Variants in SHANK2 observed in about 807,000 individuals in gnomAD.
The protein encoded by SHANK2 is SH3 and multiple ankyrin repeat domains 2.
In SHANK2, 43 loss-of-function variants were observed where a neutral mutation model predicts 133.7. The ratio of observed to expected loss-of-function variants is 0.32; its 90% CI spans 0.25 to 0.41. The LOEUF (loss-of-function observed/expected upper bound fraction) is 0.41, where lower values mean the gene tolerates loss of function less well. Among genes scored for constraint, SHANK2 ranks in the 10% least tolerant of loss-of-function variants. The pLI, the probability that SHANK2 is intolerant of heterozygous loss-of-function variation, is 1.00. For missense variants in SHANK2, 1,994 were observed against 2,235.8 expected (o/e 0.89, Z 2.18); for synonymous variants, 1,017 against 952.8 (o/e 1.07, Z -1.24).
intron 14 of SHANK2, among the ~76,000 whole-genome samples, chr11:70,720,748 TACAC>T (rs71908599): frequency 4.7e-5 from 7 of 149,420 alleles, no homozygotes; most frequent in South Asian, 2.1e-4. Flanking sequence ...CATGTGAACA[TACAC>T]ACACACATTC....
intron 14 of SHANK2, among the ~76,000 whole-genome samples, chr11:70,733,031 C>T (rs527470276): frequency 2.4e-4 from 37 of 152,284 alleles, no homozygotes; most frequent in Middle Eastern, 3.4e-3. Flanking sequence ...TAAGCAGTGG[C>T]GAGGGCACAG....
intron 14 of SHANK2, among the ~76,000 whole-genome samples, chr11:70,768,257 C>T (rs927356703): frequency 2.6e-5 from 4 of 152,136 alleles, no homozygotes; most frequent in African/African-American, 9.7e-5. Context: ...CTGCCAGTGG[C>T]GATTTACTGA....
chr11:71,211,117 C>T (rs782251879), intron 2 of SHANK2, among the ~76,000 whole-genome samples: 19 of 151,988 alleles, frequency 1.3e-4, no homozygotes, highest in Non-Finnish European at 2.6e-4. Flanking sequence ...ACCCACAGGC[C>T]CCGTGGCTAC....
intron 8 of SHANK2, among the ~76,000 whole-genome samples, chr11:71,081,579 G>T (rs1473859357): frequency 6.6e-6 from 1 of 152,166 alleles, no homozygotes; most frequent in Admixed American, 6.5e-5. Context: ...TGCTGGTCTC[G>T]GGGTCTTCAC....
At chr11:70,502,613 G>A (rs1416750627) in intron 18 of SHANK2, among the ~76,000 whole-genome samples, 183 bp downstream of exon 18, 1 of 152,164 alleles carries the variant, frequency 6.6e-6, no homozygotes, top group Non-Finnish European at 1.5e-5. Context: ...CCGGCAGCGT[G>A]TGAGCCCCAA....
chr11:71,104,055 A>C (rs1253662037), intron 6 of SHANK2, among the ~76,000 whole-genome samples: 1 of 151,966 alleles, frequency 6.6e-6, no homozygotes, highest in Non-Finnish European at 1.5e-5. Flanking sequence ...AGCCTGCAGA[A>C]CCTAGAGCCA....
At chr11:70,937,898 T>C (rs1396384633) in intron 10 of SHANK2, among the ~76,000 whole-genome samples, 1 of 152,094 alleles carries the variant, frequency 6.6e-6, no homozygotes, top group Non-Finnish European at 1.5e-5. Flanking sequence ...CAGAGGGCCT[T>C]TGGGGCCTCT....
intron 2 of SHANK2, among the ~76,000 whole-genome samples, chr11:71,212,992 G>C (rs1405383936): frequency 1.3e-5 from 2 of 151,876 alleles, no homozygotes; most frequent in Non-Finnish European, 2.9e-5. Flanking sequence ...ACCCCAGGGG[G>C]AGGCACAGGG....
chr11:70,788,447 C>T (rs960292235), intron 14 of SHANK2, among the ~76,000 whole-genome samples: 12 of 152,146 alleles, frequency 7.9e-5, no homozygotes, highest in Admixed American at 2.0e-4. Context: ...TGTCGAGTGC[C>T]GTTCCGCCCG....
At chr11:71,148,979 C>CCA (rs1555107323) in intron 2 of SHANK2, among the ~76,000 whole-genome samples, 15 of 128,544 alleles carry the variant, frequency 1.2e-4, no homozygotes, top group African/African-American at 6.0e-4. Context: ...ACAGGGTGGG[C>CCA]CGCGCTGCTT....
At chr11:70,718,395 C>A (rs1555028016) in intron 14 of SHANK2, among the ~76,000 whole-genome samples, 1 of 152,216 alleles carries the variant, frequency 6.6e-6, no homozygotes, top group Admixed American at 6.5e-5. Flanking sequence ...GTGGCCCTGG[C>A]CCAAGGCGTG....
intron 15 of SHANK2, among the ~76,000 whole-genome samples, chr11:70,674,644 C>T (rs1305621956): frequency 6.6e-6 from 1 of 152,254 alleles, no homozygotes; most frequent in African/African-American, 2.4e-5. Context: ...CCACAATGTC[C>T]AGCCAATGAT....
rs267603166 is a variant in SHANK2, at chr11:70,486,937, G to A, written c.3356C>T (p.Pro1119Leu). 21 of 1,612,306 alleles carry A rather than the reference G, an allele frequency of 1.3e-5. No homozygotes were observed. The African/African-American group carries it at 2.5e-4, about 19-fold the overall frequency. Residue 1119 changes from proline to leucine, a missense_variant, in exon 25 of 26, where the codon CCC (proline) becomes CTC (leucine). Physicochemically the swap from Pro to Leu is moderately conservative, Grantham distance 98. Coordinates refer to ENST00000601538, the MANE Select transcript of SHANK2 (RefSeq NM_012309.5). The surrounding 1 kb of genome is among the most constrained non-coding windows in gnomAD (Gnocchi z 8.0). ...GGGGAACATGGAGGGCCGCGTCCTGGGGGCGGGTGGCCCCAGGCCCACATC... is the reference window on the plus strand; with the variant it reads ...GGGGAACATGGAGGGCCGCGTCCTGAGGGCGGGTGGCCCCAGGCCCACATC... ...DEDVGLGPPA[P>L]RTRPSMFPEE...
In SHANK2 at chr11:70,569,357, C is replaced by T. The variant is rs1554982625; in HGVS notation, c.2062-66426G>A. On this transcript the variant is annotated intron_variant, in intron 17 of 25. Coordinates refer to ENST00000601538, the MANE Select transcript of SHANK2 (RefSeq NM_012309.5). The surrounding 1 kb of genome is among the most constrained non-coding windows in gnomAD (Gnocchi z 5.1). Reference sequence around the variant, plus strand: ...TGCGCCTCATGGACGCATCTTGCCCCGGTTTCCAGGTGCGGTGGAGCGGGG... The same window carrying T: ...TGCGCCTCATGGACGCATCTTGCCCTGGTTTCCAGGTGCGGTGGAGCGGGG... Among the ~76,000 whole-genome samples the T allele has an allele frequency of 1.3e-5, 2 of 152,180 alleles. No individual in the cohort carries two copies. The highest frequency in any genetic ancestry group is 2.9e-5 in the Non-Finnish European group (2 of 68,024).
At chr11:70,759,092 A>T (rs917843293) in intron 14 of SHANK2, among the ~76,000 whole-genome samples, 1 of 151,720 alleles carries the variant, frequency 6.6e-6, no homozygotes, top group African/African-American at 2.4e-5. Context: ...TGGGAGGCAG[A>T]GGTTGCAGTG....
intron 17 of SHANK2, among the ~76,000 whole-genome samples, chr11:70,591,827 G>A (rs1235117239): frequency 1.3e-5 from 2 of 152,012 alleles, no homozygotes; most frequent in Non-Finnish European, 2.9e-5. Context: ...GACCAGCCTG[G>A]CCAAAAGGGT....
chr11:70,836,851 T>A (rs543025272), intron 11 of SHANK2, among the ~76,000 whole-genome samples: 6 of 152,262 alleles, frequency 3.9e-5, no homozygotes, highest in African/African-American at 1.4e-4. Flanking sequence ...AACCCTAACC[T>A]CCCATGTCAT....
intron 22 of SHANK2, among the ~76,000 whole-genome samples, chr11:70,490,890 C>T (rs1293754150): frequency 6.6e-6 from 1 of 152,232 alleles, no homozygotes; most frequent in African/African-American, 2.4e-5. Flanking sequence ...CAAAGGCCAA[C>T]CAGGTATTGT....
intron 2 of SHANK2, among the ~76,000 whole-genome samples, chr11:71,156,687 T>C (rs1590970009): frequency 1.3e-5 from 2 of 152,240 alleles, no homozygotes; most frequent in South Asian, 2.1e-4. Context: ...TTGTGAAATG[T>C]AACTGGATAG....
Sources: gnomAD v4.1 joint callset for allele counts (sites outside exome capture counted in the v4.1 genomes callset) on GRCh38, gnomAD v4.1.1 for gene constraint, Gnocchi (gnomAD v3.1) non-coding constraint, MANE v1.5 for transcripts, NCBI Gene and HGNC (gene_info 2026-07-23, HGNC 2026-07-21) for gene names.